Variants in LRPPRC observed in about 807,000 individuals in gnomAD.
LRPPRC encodes the protein leucine rich pentatricopeptide repeat containing.
In LRPPRC, 120 loss-of-function variants were observed where a neutral mutation model predicts 180.3. That is an observed-to-expected ratio of 0.67 (90% CI 0.57 to 0.77). The LOEUF (loss-of-function observed/expected upper bound fraction) is 0.77, where lower values mean the gene tolerates loss of function less well. Among genes scored for constraint, LRPPRC ranks in the 30% least tolerant of loss-of-function variants. The pLI, the probability that LRPPRC is intolerant of heterozygous loss-of-function variation, is 0.00. For synonymous variants in LRPPRC, 723 were observed against 600.0 expected (o/e 1.21, Z -3.00); for missense variants, 2,012 against 1,657.2 (o/e 1.21, Z -3.72).
At chr2:43,913,860 A>G (rs1209939713) in intron 29 of LRPPRC, among the ~76,000 whole-genome samples, 12 of 152,188 alleles carry the variant, frequency 7.9e-5, no homozygotes, top group Non-Finnish European at 1.6e-4. Context: ...CTCCACTATC[A>G]TTTACTGATT....
At chr2:43,952,013 G>C (rs559641625) in intron 14 of LRPPRC, among the ~76,000 whole-genome samples, 41 of 152,234 alleles carry the variant, frequency 2.7e-4, no homozygotes, top group African/African-American at 9.9e-4. Context: ...GACTAACATG[G>C]AGAAACCCCA....
rs970463472 is a variant in LRPPRC at position 43,995,949 on chromosome 2, G to C, written c.-2C>G. 10 of 1,525,580 alleles carry C rather than the reference G, an allele frequency of 6.6e-6. No individual in the cohort carries two copies. The highest frequency in any genetic ancestry group is 7.9e-6 in the Non-Finnish European group (9 of 1,142,972). 94.5% of individuals were successfully genotyped at this position (1,525,580 alleles called of 1,614,324 possible). On this transcript the variant is annotated 5_prime_UTR_variant, in exon 1 of 38. Coordinates refer to ENST00000260665, the MANE Select transcript of LRPPRC (RefSeq NM_133259.4). ...CGCGGATCTCAGCAGGGCTGCCATTGCTCGAACGTCCCCGCAGCGGGAAGC... is the reference window on the plus strand; with the variant it reads ...CGCGGATCTCAGCAGGGCTGCCATTCCTCGAACGTCCCCGCAGCGGGAAGC...
At chr2:43,989,926 A>G (rs1338434299) in intron 1 of LRPPRC, among the ~76,000 whole-genome samples, 1 of 152,146 alleles carries the variant, frequency 6.6e-6, no homozygotes, top group Non-Finnish European at 1.5e-5. Context: ...AAAATAATAA[A>G]CATCAGGCCA....
At position 43,977,205 on chromosome 2, in the gene LRPPRC, G is replaced by T. The variant is rs778219550; in HGVS notation, c.541C>A (p.Pro181Thr). 3.1e-6 allele frequency: 5 copies of T among 1,606,152 alleles called. No individual in the cohort carries two copies. In the Admixed American group the frequency reaches 8.3e-5, roughly 27 times the overall value. ...VYLQNEYKFS[P>T]TDFLAKMEEA... ...TCCATTTTTGCCAGGAAATCAGTTG[G>T]TGAGAATTTATATTCATTTTGAAGA... Residue 181 changes from proline (P) to threonine (T), a missense_variant, in exon 4 of 38, where the codon CCA becomes ACA. Physicochemically the swap from Pro to Thr is conservative, Grantham distance 38 (BLOSUM62 -1). Transcript: ENST00000260665.
chr2:43,949,001 C>CTAT (rs1453529950), intron 16 of LRPPRC, among the ~76,000 whole-genome samples: 4 of 152,018 alleles, frequency 2.6e-5, no homozygotes, highest in Admixed American at 6.6e-5. Context: ...GGAGAGCTGC[C>CTAT]TATTAGCCAA....
chr2:43,980,212 G>C (rs571536897), intron 2 of LRPPRC, among the ~76,000 whole-genome samples: 1 of 152,084 alleles, frequency 6.6e-6, no homozygotes, highest in East Asian at 1.9e-4. Context: ...AAAATACAAA[G>C]AACCTACTTT....
In LRPPRC at chr2:43,995,943, G is replaced by C. The variant is rs1380043598; in HGVS notation, c.5C>G (p.Ala2Gly). 3.3e-6 allele frequency: 5 copies of C among 1,526,272 alleles called. No homozygotes were observed. In the Admixed American group the frequency reaches 6.0e-5, roughly 18 times the overall value. The allele number at this position is 1,526,272 out of a possible 1,614,324, so 94.5% of individuals were successfully genotyped here. A position where few individuals can be genotyped will look rare whatever the true frequency, so the allele number is the denominator to read the frequency against. Reference sequence around the variant, plus strand: ...CCAACGCGCGGATCTCAGCAGGGCTGCCATTGCTCGAACGTCCCCGCAGCG... The same window carrying C: ...CCAACGCGCGGATCTCAGCAGGGCTCCCATTGCTCGAACGTCCCCGCAGCG... M[A>G]ALLRSARWLL... is the part of the protein sequence containing the mutation. The change falls in exon 1 of 38, where the codon GCA (alanine) becomes GGA (glycine). Residue 2 changes from alanine to glycine, a missense_variant. Transcript: ENST00000260665.
intron 1 of LRPPRC, among the ~76,000 whole-genome samples, chr2:43,985,385 G>C (rs967789679): frequency 1.3e-5 from 2 of 152,092 alleles, no homozygotes; most frequent in Non-Finnish European, 2.9e-5. Flanking sequence ...AGAGTTCACT[G>C]TGTGTATACA....
intron 29 of LRPPRC, among the ~76,000 whole-genome samples, chr2:43,916,292 G>A (rs370310506): frequency 4.0e-4 from 61 of 152,200 alleles, no homozygotes; most frequent in African/African-American, 1.2e-3. Flanking sequence ...GAAAATAAGA[G>A]TAATATATGA....
At chr2:43,915,004 T>C (rs933567448) in intron 29 of LRPPRC, among the ~76,000 whole-genome samples, 2 of 145,378 alleles carry the variant, frequency 1.4e-5, no homozygotes, top group African/African-American at 5.1e-5. Context: ...GGTCAGGAGT[T>C]TGACACCAGC....
chr2:43,972,998 G>A (rs886455497), intron 11 of LRPPRC, among the ~76,000 whole-genome samples: 1 of 152,104 alleles, frequency 6.6e-6, no homozygotes, highest in Non-Finnish European at 1.5e-5. Flanking sequence ...TTTAATATTT[G>A]TTCAATTCTT....
chr2:43,960,221 G>C (rs1334442302), intron 13 of LRPPRC, among the ~76,000 whole-genome samples: 2 of 152,068 alleles, frequency 1.3e-5, no homozygotes, highest in Non-Finnish European at 2.9e-5. Context: ...TCCCTGTTTA[G>C]TAAAAGTGAA....
intron 36 of LRPPRC, chr2:43,892,647 T>C (rs557847281): frequency 2.7e-4 from 41 of 152,314 alleles, no homozygotes; most frequent in African/African-American, 9.6e-4. Flanking sequence ...CTGCAGCCCA[T>C]AGATCAAGGA....
chr2:43,925,160 TA>T lies in LRPPRC; in HGVS notation c.2806-4del. ...ACTAATTTTTCCAGAGTTTCAACCT[TA>T]AAAGTAAGATTAAGAGATAGATCTA... On this transcript the variant is annotated splice_region_variant and splice_polypyrimidine_tract_variant and intron_variant, in intron 26 of 37. Coordinates refer to ENST00000260665, the MANE Select transcript of LRPPRC (RefSeq NM_133259.4). 6.8e-7 allele frequency: 1 copy of T among 1,472,792 alleles called. No homozygotes were observed. Among genetic ancestry groups the T allele is most frequent in the Non-Finnish European group, 9.5e-7 (1 of 1,051,356 alleles). The allele number at this position is 1,472,792 out of a possible 1,614,324, so 91.2% of individuals were successfully genotyped here. A position where few individuals can be genotyped will look rare whatever the true frequency, so the allele number is the denominator to read the frequency against.
rs1670416102 is a variant in LRPPRC at position 43,889,731 on chromosome 2, C to T, written c.4128+3G>A. ...TTTTTCCCCTTAATTAAGAAATACT[C>T]ACAGGGGGTTCAATGAAAGGGACAG... On this transcript the variant is annotated splice_donor_region_variant and intron_variant, in intron 37 of 37. Coordinates refer to ENST00000260665, the MANE Select transcript of LRPPRC (RefSeq NM_133259.4). The T allele has an allele frequency of 6.2e-7, 1 of 1,610,016 alleles. No homozygotes were observed. Among genetic ancestry groups the T allele is most frequent in the Non-Finnish European group, 8.5e-7 (1 of 1,176,310 alleles).
chr2:43,907,195 A>T (rs1166013229), intron 30 of LRPPRC, among the ~76,000 whole-genome samples: 1 of 152,188 alleles, frequency 6.6e-6, no homozygotes, highest in Non-Finnish European at 1.5e-5. Context: ...ATTCTTTTTC[A>T]ATAATCTCTT....
chr2:43,982,713 A>G (rs1674367157), intron 1 of LRPPRC, among the ~76,000 whole-genome samples: 1 of 152,236 alleles, frequency 6.6e-6, no homozygotes, highest in Non-Finnish European at 1.5e-5. Flanking sequence ...TCAGATGGAA[A>G]TACAGTGTGT....
intron 29 of LRPPRC, among the ~76,000 whole-genome samples, chr2:43,916,848 G>C (rs920553506): frequency 6.6e-6 from 1 of 150,892 alleles, no homozygotes; most frequent in African/African-American, 2.4e-5. Context: ...GGGAAACTGA[G>C]GTAGGATAAC....
chr2:43,908,678 A>G (rs1245303613), intron 30 of LRPPRC, among the ~76,000 whole-genome samples: 1 of 151,894 alleles, frequency 6.6e-6, no homozygotes, highest in East Asian at 1.9e-4. Flanking sequence ...GGCACGCACC[A>G]CCACGCCTGA....
Sources: allele counts gnomAD v4.1 joint callset (sites outside exome capture counted in the v4.1 genomes callset), GRCh38; gene constraint gnomAD v4.1.1; transcripts MANE v1.5; gene names NCBI Gene and HGNC (gene_info 2026-07-23, HGNC 2026-07-21).